Variants in EML1 observed in about 807,000 individuals in gnomAD.
The protein encoded by EML1 is EMAP like 1, also known as echinoderm microtubule-associated protein-like 1.
In EML1, 27 loss-of-function variants were observed where a neutral mutation model predicts 110.4. The observed-to-expected ratio is 0.24, with a 90% CI of 0.18 to 0.34. The LOEUF (loss-of-function observed/expected upper bound fraction) is 0.34. Ranked by LOEUF, EML1 falls within the 10% of genes least tolerant of loss-of-function variation. EML1 has a pLI of 1.00. For synonymous variants in EML1, 344 were observed against 385.8 expected, an observed-to-expected ratio of 0.89 and a Z score of 1.27; for missense variants, 741 against 1,030.9, an observed-to-expected ratio of 0.72 and a Z score of 3.85.
intron 1 of EML1, among the ~76,000 whole-genome samples, chr14:99,779,927 C>T (rs1045466175): frequency 6.6e-6 from 1 of 152,142 alleles, no homozygotes; most frequent in Admixed American, 6.6e-5. Flanking sequence ...TCACCTTGGG[C>T]TGCCATAGCA....
intron 1 of EML1, chr14:99,838,918 C>CGCGTGTGTGTGTGTGT (rs3071409): frequency 5.9e-5 from 2 of 33,614 alleles, no homozygotes; most frequent in African/African-American, 1.7e-4. Flanking sequence ...CGCGCGCGCG[C>CGCGTGTGTGTGTGTGT]GTGTGTGTGT....
intron 17 of EML1, among the ~76,000 whole-genome samples, chr14:99,934,248 C>T (rs1442166563): frequency 6.6e-6 from 1 of 152,222 alleles, no homozygotes; most frequent in Non-Finnish European, 1.5e-5. Context: ...TGGTTTCTGG[C>T]GTGGTCACCT....
chr14:99,785,474 T>C (rs971189036), intron 1 of EML1, among the ~76,000 whole-genome samples: 18 of 152,382 alleles, frequency 1.2e-4, no homozygotes, highest in African/African-American at 4.1e-4. Flanking sequence ...GTTCAGTTAC[T>C]GTGAATACAT....
intron 5 of EML1, chr14:99,892,016 A>G (rs1595442467): frequency 2.6e-6 from 1 of 378,948 alleles, no homozygotes; most frequent in Admixed American, 6.4e-5. Context: ...GGATCCCTGA[A>G]CCGTGTCCAG....
At chr14:99,768,242 C>T (rs1241145228), upstream of EML1, among the ~76,000 whole-genome samples, 1 of 152,214 alleles carries the variant, frequency 6.6e-6, no homozygotes, top group Non-Finnish European at 1.5e-5. Context: ...TACAATGCCA[C>T]GTGCTAAGTG....
intron 1 of EML1, among the ~76,000 whole-genome samples, chr14:99,811,653 A>C (rs2058082401): frequency 6.6e-6 from 1 of 150,740 alleles, no homozygotes; most frequent in African/African-American, 2.4e-5. Context: ...AAAAAAAAAA[A>C]AAAAAAAATT....
At chr14:99,844,860 A>C (rs1332117293) in intron 1 of EML1, among the ~76,000 whole-genome samples, 1 of 152,222 alleles carries the variant, frequency 6.6e-6, no homozygotes, top group East Asian at 1.9e-4. Context: ...TCAGTCATTC[A>C]TCCCATTTTA....
chr14:99,899,788 T>C (rs945456863), intron 8 of EML1, among the ~76,000 whole-genome samples: 1 of 152,154 alleles, frequency 6.6e-6, no homozygotes, highest in Non-Finnish European at 1.5e-5. Flanking sequence ...TTCCTCCCTC[T>C]AGTGGCTTAA....
chr14:99,830,287 A>G (rs2058427604), intron 1 of EML1, among the ~76,000 whole-genome samples: 1 of 152,086 alleles, frequency 6.6e-6, no homozygotes, highest in Non-Finnish European at 1.5e-5. Context: ...CCATTTGTAT[A>G]TCTTCTTAGA....
chr14:99,924,939 T>C (rs1338797154), intron 17 of EML1, among the ~76,000 whole-genome samples: 1 of 152,248 alleles, frequency 6.6e-6, no homozygotes, highest in African/African-American at 2.4e-5. Context: ...AAATTCCCCT[T>C]AATCATGGTG....
intron 1 of EML1, among the ~76,000 whole-genome samples, chr14:99,764,314 G>A (rs1413523912): frequency 6.6e-6 from 1 of 152,202 alleles, no homozygotes; most frequent in Non-Finnish European, 1.5e-5. Flanking sequence ...TACAGATGAG[G>A]GAAGTGCGGC....
chr14:99,797,496 C>G (rs1207895112), intron 1 of EML1, among the ~76,000 whole-genome samples: 1 of 152,154 alleles, frequency 6.6e-6, no homozygotes, highest in Non-Finnish European at 1.5e-5. Context: ...TATGGTAACT[C>G]TGGGCTTAAC....
chr14:99,808,311 A>G (rs1475472727), intron 1 of EML1, among the ~76,000 whole-genome samples: 1 of 152,188 alleles, frequency 6.6e-6, no homozygotes, highest in African/African-American at 2.4e-5. Flanking sequence ...TTGAATGAAA[A>G]ATCAGATGCT....
intron 4 of EML1, among the ~76,000 whole-genome samples, chr14:99,890,852 A>G (rs1162857938): frequency 6.6e-6 from 1 of 152,224 alleles, no homozygotes; most frequent in Admixed American, 6.5e-5. Flanking sequence ...ATAATCTGTC[A>G]GAAGAGTGTA....
intron 17 of EML1, among the ~76,000 whole-genome samples, chr14:99,931,098 T>C (rs1311121458): frequency 6.6e-6 from 1 of 152,184 alleles, no homozygotes; most frequent in Non-Finnish European, 1.5e-5. Flanking sequence ...CTTTCCCCTG[T>C]CATGTGGCAT....
intron 1 of EML1, among the ~76,000 whole-genome samples, chr14:99,845,682 T>C (rs1211016535): frequency 6.6e-6 from 1 of 152,246 alleles, no homozygotes; most frequent in East Asian, 1.9e-4. Flanking sequence ...AGATATGTTA[T>C]TCTCTCTCAG....
upstream of EML1, chr14:99,792,653 C>T (rs1411676893): frequency 3.3e-5 from 5 of 152,204 alleles, no homozygotes; most frequent in Non-Finnish European, 7.3e-5. Context: ...GATCTGTATC[C>T]CAGGGGCTGA....
At chr14:99,845,447 G>C (rs1036141682) in intron 1 of EML1, among the ~76,000 whole-genome samples, 2 of 152,146 alleles carry the variant, frequency 1.3e-5, no homozygotes, top group Admixed American at 6.6e-5. Context: ...AAGAGGACGT[G>C]CACACATCCC....
At chr14:99,919,041 A>T (rs577102963) in intron 16 of EML1, among the ~76,000 whole-genome samples, 35 of 152,236 alleles carry the variant, frequency 2.3e-4, no homozygotes, top group African/African-American at 7.9e-4. Context: ...CTTTTTCTGT[A>T]AATTGTGATA....
Sources: allele counts gnomAD v4.1 joint callset (sites outside exome capture counted in the v4.1 genomes callset), GRCh38; gene constraint gnomAD v4.1.1; transcripts MANE v1.5; gene names NCBI Gene and HGNC (gene_info 2026-07-23, HGNC 2026-07-21).